Variants in CRISP1 observed in about 807,000 individuals in gnomAD.
The protein encoded by CRISP1 is cysteine rich secretory protein 1, also known as cysteine-rich secretory protein 1.
Under a neutral mutation model 33.1 loss-of-function variants are expected in CRISP1, and 44 were observed. The observed-to-expected ratio is 1.33, with a 90% CI of 1.05 to 1.71. CRISP1 has a LOEUF of 1.71. Ranked by LOEUF, CRISP1 falls within the 40% of genes most tolerant of loss-of-function variation. The pLI, the probability that CRISP1 is intolerant of heterozygous loss-of-function variation, is 0.00. For synonymous variants in CRISP1, 103 were observed against 98.7 expected (o/e 1.04, Z -0.26); for missense variants, 390 against 301.2 (o/e 1.29, Z -2.18).
rs896331514 is a variant in CRISP1 at position 49,848,695 on chromosome 6, G to A, written c.196-396C>T. ...CTGTTACCTGTAATTTATGCCCAAA[G>A]GTTTGTTCAAATGTGATATTCCAAG... On this transcript the variant is annotated intron_variant, in intron 3 of 7. Transcript: ENST00000335847. 2.0e-5 allele frequency among the ~76,000 whole-genome samples: 3 copies of A among 152,104 alleles called. No individual in the cohort carries two copies. In the South Asian group the frequency reaches 6.2e-4, roughly 31 times the overall value.
At chr6:49,868,464 T>C (rs1275649367), upstream of CRISP1, among the ~76,000 whole-genome samples, 1 of 152,168 alleles carries the variant, frequency 6.6e-6, no homozygotes, top group Non-Finnish European at 1.5e-5. Context: ...TCACATCATG[T>C]TTGTCTGAAT....
At chr6:49,853,966 C>G (rs956720613) in intron 2 of CRISP1, among the ~76,000 whole-genome samples, 1 of 152,150 alleles carries the variant, frequency 6.6e-6, no homozygotes, top group African/African-American at 2.4e-5. Flanking sequence ...CTTAACTCTG[C>G]TAATCAATTC....
At position 49,835,197 on chromosome 6, in the gene CRISP1, C is replaced by T; in HGVS notation, c.*119G>A. 9.0e-7 allele frequency: 1 copy of T among 1,113,652 alleles called. No homozygotes were observed. Among genetic ancestry groups the T allele is most frequent in the Non-Finnish European group, 1.3e-6 (1 of 784,390 alleles). 69.0% of individuals were successfully genotyped at this position (1,113,652 alleles called of 1,614,324 possible). ...GTATCAGGATGGGAGTTAAGGTCTCCAGCATGATTAAAATCAGTGAAATTT... is the reference window on the plus strand; with the variant it reads ...GTATCAGGATGGGAGTTAAGGTCTCTAGCATGATTAAAATCAGTGAAATTT... On this transcript the variant is annotated 3_prime_UTR_variant, in exon 8 of 8. Transcript: ENST00000335847.
upstream of CRISP1, among the ~76,000 whole-genome samples, chr6:49,871,016 G>A (rs892669157): frequency 8.6e-5 from 13 of 151,974 alleles, no homozygotes; most frequent in Middle Eastern, 3.4e-3. Context: ...CATGAGAATC[G>A]CTTGAACACA....
In CRISP1 at chr6:49,859,268, C is replaced by T. The variant is rs186357320; in HGVS notation, c.-2-1866G>A. Among the ~76,000 whole-genome samples, 9 of 152,118 alleles carry T rather than the reference C, an allele frequency of 5.9e-5. No homozygotes were observed. In the East Asian group the frequency reaches 1.4e-3, roughly 23 times the overall value. On this transcript the variant is annotated intron_variant, in intron 1 of 7. Coordinates refer to ENST00000335847, the MANE Select transcript of CRISP1 (RefSeq NM_001131.3). Reference sequence around the variant, plus strand: ...TATTGAGAGCCTATTCCCAACCAGGCTGCATCCTGCACAGGGCCCCAGCAG... The same window carrying T: ...TATTGAGAGCCTATTCCCAACCAGGTTGCATCCTGCACAGGGCCCCAGCAG...
Position 49,861,643 on chromosome 6 carries a change from G to C in CRISP1, c.-2-4241C>G, listed in dbSNP as rs62404936. On this transcript the variant is annotated intron_variant, in intron 1 of 7. Transcript: ENST00000335847. Reference sequence around the variant, plus strand: ...TCACGCCTGTAGTTCCAGCACTTTGGGAGGCCGAGGTGGGCAAATCACTTG... The same window carrying C: ...TCACGCCTGTAGTTCCAGCACTTTGCGAGGCCGAGGTGGGCAAATCACTTG... 1.2e-3 allele frequency among the ~76,000 whole-genome samples: 187 copies of C among 152,242 alleles called. 1 individual carries two copies. The highest frequency in any genetic ancestry group is 3.4e-3 in the Middle Eastern group (1 of 294).
chr6:49,858,406 G>A (rs1436519604), intron 1 of CRISP1, among the ~76,000 whole-genome samples: 1 of 152,124 alleles, frequency 6.6e-6, no homozygotes, highest in Non-Finnish European at 1.5e-5. Flanking sequence ...TTTTACAAAA[G>A]AAAGCACTTT....
At chr6:49,865,187 T>A (rs976505473) in intron 1 of CRISP1, among the ~76,000 whole-genome samples, 1 of 152,064 alleles carries the variant, frequency 6.6e-6, no homozygotes, top group African/African-American at 2.4e-5. Flanking sequence ...CAGAAACAAA[T>A]TCACATACAT....
Position 49,835,135 on chromosome 6 carries a change from A to G in CRISP1, c.*181T>C, listed in dbSNP as rs569198377. The G allele has an allele frequency of 7.4e-6, 4 of 542,224 alleles. No individual in the cohort carries two copies. In the South Asian group the frequency reaches 1.4e-4, roughly 19 times the overall value. The allele number at this position is 542,224 out of a possible 1,614,324, so 33.6% of individuals were successfully genotyped here. On this transcript the variant is annotated 3_prime_UTR_variant, in exon 8 of 8. Transcript: ENST00000335847. ...GGTGTTGGACTTGACCTTTTACTCC[A>G]GCACTAAGAAAGTTTAAAACAGTGT...
In CRISP1 at chr6:49,857,395, T is replaced by A. The variant is rs1771527008; in HGVS notation, c.6A>T (p.Glu2Asp). 6.2e-7 allele frequency: 1 copy of A among 1,612,364 alleles called. No individual in the cohort carries two copies. Among genetic ancestry groups the A allele is most frequent in the African/African-American group, 1.3e-5 (1 of 74,860 alleles). The change falls in exon 2 of 8, where the codon GAA becomes GAT. Residue 2 changes from glutamate to aspartate, a missense_variant. Coordinates refer to ENST00000335847, the MANE Select transcript of CRISP1 (RefSeq NM_001131.3). M[E>D]IKHLLFLVAA... is the part of the protein sequence containing the mutation. ...CAACCAAAAACAAGAGGTGTTTAAT[T>A]TCCATCCCTGAAAGAAAAATAACAC...
At position 49,856,108 on chromosome 6, in the gene CRISP1, G is replaced by A. The variant is rs568372350; in HGVS notation, c.66+1227C>T. 3.3e-5 allele frequency among the ~76,000 whole-genome samples: 5 copies of A among 152,246 alleles called. No homozygotes were observed. The East Asian group carries it at 9.7e-4, about 29-fold the overall frequency. On this transcript the variant is annotated intron_variant, in intron 2 of 7. Transcript: ENST00000335847. ...GTATTCTTGGTCAAAAGCGGATTGGGTATGGTTTCCCTTGGACGGGTAGGG... is the reference window on the plus strand; with the variant it reads ...GTATTCTTGGTCAAAAGCGGATTGGATATGGTTTCCCTTGGACGGGTAGGG...
At chr6:49,846,899 T>C (rs1363695525) in intron 4 of CRISP1, among the ~76,000 whole-genome samples, 1 of 152,116 alleles carries the variant, frequency 6.6e-6, no homozygotes, top group African/African-American at 2.4e-5. Flanking sequence ...AGTTTTGAAA[T>C]CAAATCATCA....
rs555907935 is a variant in CRISP1 at position 49,844,933 on chromosome 6, G to A, written c.435+1587C>T. On this transcript the variant is annotated intron_variant, in intron 5 of 7. Coordinates refer to ENST00000335847, the MANE Select transcript of CRISP1 (RefSeq NM_001131.3). ...TCTCATGCATTTAGATAATATTTAG[G>A]TAAGACTTTGGGCCTTAGACTTTAG... Among the ~76,000 whole-genome samples the A allele has an allele frequency of 2.1e-4, 32 of 152,066 alleles. 1 individual carries two copies. The highest frequency in any genetic ancestry group is 1.4e-3 in the Admixed American group (21 of 15,274).
chr6:49,835,588 G>A (rs375248446), intron 7 of CRISP1, 145 bp from the exon 8 acceptor site: 1 of 757,536 alleles, frequency 1.3e-6, no homozygotes, highest in Admixed American at 3.2e-5. Context: ...AACTAAATCT[G>A]AATGCAAAAC....
chr6:49,861,062 A>G (rs1288529149), intron 1 of CRISP1, among the ~76,000 whole-genome samples: 2 of 152,148 alleles, frequency 1.3e-5, no homozygotes, highest in Non-Finnish European at 2.9e-5. Context: ...TAGAAACCAG[A>G]GCTGACCAAT....
At chr6:49,835,643 CTT>C (rs781288102) in intron 7 of CRISP1, among the ~76,000 whole-genome samples, 200 bp from the exon 8 acceptor site, 8 of 152,112 alleles carry the variant, frequency 5.3e-5, no homozygotes, top group Non-Finnish European at 8.8e-5. Context: ...AAATTTTTGT[CTT>C]TGTGTAAAAC....
At chr6:49,854,792 T>C (rs1057124649) in intron 2 of CRISP1, among the ~76,000 whole-genome samples, 1 of 152,158 alleles carries the variant, frequency 6.6e-6, no homozygotes, top group Non-Finnish European at 1.5e-5. Context: ...CTGGGGAAAT[T>C]TGAGGTTGTC....
chr6:49,852,846 TTGTGTGTGTGTGTGTGTGTG>T (rs3056388), intron 2 of CRISP1, among the ~76,000 whole-genome samples: 1 of 145,438 alleles, frequency 6.9e-6, no homozygotes, highest in Non-Finnish European at 1.5e-5. Flanking sequence ...AAGAGAATCT[TTGTGTGTGTGTGTGTGTGTG>T]TGTGTGTGTG....
chr6:49,870,791 G>A (rs1269531939), upstream of CRISP1, among the ~76,000 whole-genome samples: 1 of 152,056 alleles, frequency 6.6e-6, no homozygotes, highest in African/African-American at 2.4e-5. Context: ...GTAGACTTCA[G>A]TTAGGGTTTC....
Sources: gnomAD v4.1 joint callset for allele counts (sites outside exome capture counted in the v4.1 genomes callset) on GRCh38, gnomAD v4.1.1 for gene constraint, MANE v1.5 for transcripts, NCBI Gene and HGNC (gene_info 2026-07-23, HGNC 2026-07-21) for gene names.